HS6ST3: variants seen among roughly 807,000 people sequenced by gnomAD.
HS6ST3 encodes the protein heparan sulfate 6-O-sulfotransferase 3.
In HS6ST3, 12 loss-of-function variants were observed where a neutral mutation model predicts 36.7. The observed-to-expected ratio is 0.33, with a 90% CI of 0.21 to 0.53. The LOEUF (loss-of-function observed/expected upper bound fraction) is 0.53, where lower values mean the gene tolerates loss of function less well. Ranked by LOEUF, HS6ST3 falls within the 20% of genes least tolerant of loss-of-function variation. The probability of loss-of-function intolerance (pLI) is 0.95; values close to 1 mark genes in which losing one functional copy is unlikely to be tolerated. For missense variants in HS6ST3, 584 were observed against 640.9 expected, an observed-to-expected ratio of 0.91 and a Z score of 0.96; for synonymous variants, 240 against 257.5, an observed-to-expected ratio of 0.93 and a Z score of 0.65.
chr13:96,186,628 T>G (rs534397199), intron 1 of HS6ST3, among the ~76,000 whole-genome samples: 7 of 152,282 alleles, frequency 4.6e-5, no homozygotes, highest in Admixed American at 4.6e-4. Context: ...CCAAGTAAAT[T>G]GTGTACATCA....
intron 1 of HS6ST3, among the ~76,000 whole-genome samples, chr13:96,600,329 T>TACAC (rs34142366): frequency 0.33 from 47,661 of 145,770 alleles, 7,792 homozygotes; most frequent in South Asian, 0.38. Context: ...TGGAGTTAGG[T>TACAC]ACACACACAC....
chr13:96,133,954 T>C (rs1300487584), intron 1 of HS6ST3, among the ~76,000 whole-genome samples: 1 of 152,116 alleles, frequency 6.6e-6, no homozygotes, highest in Non-Finnish European at 1.5e-5. Flanking sequence ...TTGAGTTGAT[T>C]TTTGTATGAT....
At chr13:96,502,711 A>G (rs907332376) in intron 1 of HS6ST3, among the ~76,000 whole-genome samples, 1 of 152,188 alleles carries the variant, frequency 6.6e-6, no homozygotes, top group Non-Finnish European at 1.5e-5. Context: ...TGGGACGGGA[A>G]CATGCACCAT....
At chr13:96,468,395 T>C (rs1349856785) in intron 1 of HS6ST3, among the ~76,000 whole-genome samples, 2 of 152,022 alleles carry the variant, frequency 1.3e-5, no homozygotes, top group African/African-American at 4.8e-5. Context: ...ATAGAACATT[T>C]ATTTGGTTAT....
At chr13:96,372,536 A>G (rs936776152) in intron 1 of HS6ST3, among the ~76,000 whole-genome samples, 1 of 152,074 alleles carries the variant, frequency 6.6e-6, no homozygotes. Flanking sequence ...TTTTGGTGTC[A>G]TATCCAAAAA....
At chr13:96,369,469 C>T (rs1269631275) in intron 1 of HS6ST3, among the ~76,000 whole-genome samples, 1 of 152,124 alleles carries the variant, frequency 6.6e-6, no homozygotes, top group African/African-American at 2.4e-5. Flanking sequence ...ATTGGGGATC[C>T]CACAATATCA....
chr13:96,315,297 T>C (rs2054962971), intron 1 of HS6ST3, among the ~76,000 whole-genome samples: 1 of 152,212 alleles, frequency 6.6e-6, no homozygotes, highest in South Asian at 2.1e-4. Context: ...ACTGTAATCA[T>C]TTCTGTGAAA....
chr13:96,283,185 T>A (rs1594742383), intron 1 of HS6ST3, among the ~76,000 whole-genome samples: 1 of 152,222 alleles, frequency 6.6e-6, no homozygotes, highest in East Asian at 1.9e-4. Flanking sequence ...ATCTATAAGT[T>A]CATTTATTTG....
chr13:96,837,222 A>T lies in HS6ST3; in HGVS notation c.*4024A>T, dbSNP rs1878948417. On this transcript the variant is annotated 3_prime_UTR_variant, in exon 2 of 2. Transcript: ENST00000376705. ...CCAAACGATATTTAAGTGCTTTTTA[A>T]TGTCACTTACTTCATCATATGTTTT... 3 of 152,242 alleles carry T rather than the reference A, an allele frequency of 2.0e-5. No homozygotes were observed. Among genetic ancestry groups the T allele is most frequent in the African/African-American group, 7.2e-5 (3 of 41,462 alleles). 9.4% of individuals were successfully genotyped at this position (152,242 alleles called of 1,614,324 possible).
chr13:96,806,931 C>T (rs1878209051), intron 1 of HS6ST3, among the ~76,000 whole-genome samples: 1 of 152,092 alleles, frequency 6.6e-6, no homozygotes, highest in Admixed American at 6.6e-5. Context: ...TGGCCTTCCC[C>T]CCGGGAAGAC....
chr13:96,365,207 A>C (rs1187259078), intron 1 of HS6ST3, among the ~76,000 whole-genome samples: 1 of 152,184 alleles, frequency 6.6e-6, no homozygotes, highest in Non-Finnish European at 1.5e-5. Context: ...GTACTTTGCC[A>C]GGTCTGGGAG....
chr13:96,635,537 G>T (rs2056546556), intron 1 of HS6ST3, among the ~76,000 whole-genome samples: 1 of 152,072 alleles, frequency 6.6e-6, no homozygotes, highest in Non-Finnish European at 1.5e-5. Flanking sequence ...GCACCACCAG[G>T]GTTACATACC....
At chr13:96,746,740 T>C (rs1388212231) in intron 1 of HS6ST3, among the ~76,000 whole-genome samples, 2 of 152,100 alleles carry the variant, frequency 1.3e-5, no homozygotes, top group Non-Finnish European at 2.9e-5. Flanking sequence ...TACATCAAGA[T>C]ATCCCCTGGA....
chr13:96,322,208 C>T (rs957844578), intron 1 of HS6ST3, among the ~76,000 whole-genome samples: 3 of 152,080 alleles, frequency 2.0e-5, no homozygotes, highest in Admixed American at 6.6e-5. Context: ...CCTGCATAAT[C>T]CAGTTTCCCT....
intron 1 of HS6ST3, among the ~76,000 whole-genome samples, chr13:96,157,691 AG>A (rs1025593094): frequency 6.6e-5 from 10 of 152,226 alleles, no homozygotes; most frequent in African/African-American, 2.4e-4. Flanking sequence ...CACTTATTTC[AG>A]GAAGAAAAAA....
At chr13:96,555,510 A>T (rs1344748746) in intron 1 of HS6ST3, among the ~76,000 whole-genome samples, 2 of 152,188 alleles carry the variant, frequency 1.3e-5, no homozygotes, top group Admixed American at 1.3e-4. Flanking sequence ...CTAAAATTAT[A>T]GCCTTACTGC....
intron 1 of HS6ST3, among the ~76,000 whole-genome samples, chr13:96,152,303 A>G (rs2139323773): frequency 7.0e-6 from 1 of 142,670 alleles, no homozygotes; most frequent in Admixed American, 7.0e-5. Flanking sequence ...TATATTTCCA[A>G]CTGGCCCCTT....
chr13:96,242,408 G>A lies in HS6ST3; in HGVS notation c.707+150839G>A, dbSNP rs532374819. On this transcript the variant is annotated intron_variant, in intron 1 of 1. Coordinates refer to ENST00000376705, the MANE Select transcript of HS6ST3 (RefSeq NM_153456.4). ...ATTTTTTGTCTTTTTTATAGAGATG[G>A]GGTTTTTGCCATGTTACCCAGGCTG... Among the ~76,000 whole-genome samples the A allele has an allele frequency of 1.1e-4, 17 of 151,866 alleles. No individual in the cohort carries two copies. In the Middle Eastern group the frequency reaches 0.01, roughly 92 times the overall value.
At chr13:96,820,122 C>G (rs1304302300) in intron 1 of HS6ST3, among the ~76,000 whole-genome samples, 1 of 151,972 alleles carries the variant, frequency 6.6e-6, no homozygotes, top group South Asian at 2.1e-4. Flanking sequence ...CTCTGAGCAT[C>G]AGTTTTCTCA....
Sources: gnomAD v4.1 joint callset for allele counts (sites outside exome capture counted in the v4.1 genomes callset) on GRCh38, gnomAD v4.1.1 for gene constraint, MANE v1.5 for transcripts, NCBI Gene and HGNC (gene_info 2026-07-23, HGNC 2026-07-21) for gene names.